Variants in IST1 observed in about 807,000 individuals in gnomAD.
IST1 encodes IST1 homolog.
IST1 carries 23 observed loss-of-function variants against 37.0 expected under a neutral mutation model. The ratio of observed to expected loss-of-function variants is 0.62; its 90% CI spans 0.45 to 0.88. IST1 has a LOEUF of 0.88. Ranked by LOEUF, IST1 falls within the 40% of genes least tolerant of loss-of-function variation. The pLI is 0.00. For missense variants in IST1, 488 were observed against 445.4 expected, an observed-to-expected ratio of 1.10 and a Z score of -0.86; for synonymous variants, 180 against 161.7, an observed-to-expected ratio of 1.11 and a Z score of -0.86.
In IST1 at chr16:71,922,139, C is replaced by CA. The variant is rs542498007; in HGVS notation, c.553-324dup. Among the ~76,000 whole-genome samples, 585 of 142,842 alleles carry CA rather than the reference C, an allele frequency of 4.1e-3. 2 individuals carry two copies. The highest frequency in any genetic ancestry group is 5.9e-3 in the Non-Finnish European group (385 of 64,930). The allele number at this position is 142,842 out of a possible 152,430, so 93.7% of individuals were successfully genotyped here. A position where few individuals can be genotyped will look rare whatever the true frequency, so the allele number is the denominator to read the frequency against. Reference sequence around the variant, plus strand: ...TGGGTGACAGAGTGAGACTCCGTCTCAAAAAAAAAAACCATCCGCCAGTTA... The same window carrying CA: ...TGGGTGACAGAGTGAGACTCCGTCTCAAAAAAAAAAAACCATCCGCCAGTTA... On this transcript the variant is annotated intron_variant, in intron 6 of 9. Transcript: ENST00000378799.
intron 1 of IST1, among the ~76,000 whole-genome samples, chr16:71,914,970 A>G (rs2037436887): frequency 6.6e-6 from 1 of 152,120 alleles, no homozygotes; most frequent in Non-Finnish European, 1.5e-5. Context: ...ATTCAGTGAA[A>G]TTCCTGGTAA....
At chr16:71,897,868 G>A (rs1221308594) in intron 1 of IST1, among the ~76,000 whole-genome samples, 2 of 152,120 alleles carry the variant, frequency 1.3e-5, no homozygotes, top group African/African-American at 2.4e-5. Context: ...TTGCTTGCTC[G>A]AACCCGAGAG....
At position 71,915,629 on chromosome 16, in the gene IST1, G is replaced by T. The variant is rs2037450644; in HGVS notation, c.-12G>T. ...ATTGTGCTTCTTCTGTTTCTAGGAG[G>T]AACAGCACAGCATGCTGGGCTCTGG... On this transcript the variant is annotated 5_prime_UTR_variant, in exon 2 of 10. Coordinates refer to ENST00000378799, the MANE Select transcript of IST1 (RefSeq NM_001270975.2). The T allele has an allele frequency of 1.9e-6, 3 of 1,603,528 alleles. No individual in the cohort carries two copies. Among genetic ancestry groups the T allele is most frequent in the South Asian group, 2.2e-5 (2 of 89,898 alleles).
At chr16:71,914,252 G>A (rs1168317995) in intron 1 of IST1, among the ~76,000 whole-genome samples, 17 of 150,316 alleles carry the variant, frequency 1.1e-4, no homozygotes, top group Admixed American at 1.0e-3. Flanking sequence ...TCCACCTCCC[G>A]GGTTCAAGCG....
chr16:71,907,112 T>G (rs1026029765), intron 1 of IST1, among the ~76,000 whole-genome samples: 2 of 152,196 alleles, frequency 1.3e-5, no homozygotes, highest in African/African-American at 4.8e-5. Context: ...GATTCAAGTT[T>G]GCTAAGCTTT....
chr16:71,927,381 C>A (rs538817241), intron 9 of IST1, among the ~76,000 whole-genome samples: 3 of 151,464 alleles, frequency 2.0e-5, no homozygotes, highest in East Asian at 3.9e-4. Flanking sequence ...CCCAGCTACT[C>A]AGGAGGCTGA....
chr16:71,922,205 C>T (rs1298466397), intron 6 of IST1, among the ~76,000 whole-genome samples: 1 of 152,022 alleles, frequency 6.6e-6, no homozygotes, highest in Non-Finnish European at 1.5e-5. Flanking sequence ...GTGTACTGCT[C>T]AGACATCCCT....
chr16:71,907,707 A>G (rs549806100), intron 1 of IST1, among the ~76,000 whole-genome samples: 38 of 152,122 alleles, frequency 2.5e-4, no homozygotes, highest in Non-Finnish European at 4.9e-4. Context: ...GATACTTTCT[A>G]TTGACTTACC....
intron 1 of IST1, among the ~76,000 whole-genome samples, chr16:71,897,066 C>CT (rs1268545903): frequency 6.6e-6 from 1 of 151,722 alleles, no homozygotes; most frequent in Non-Finnish European, 1.5e-5. Flanking sequence ...GTTTCCCAGG[C>CT]TGGAGTGCTG....
intron 8 of IST1, chr16:71,924,128 C>G: frequency 2.2e-6 from 1 of 455,860 alleles, no homozygotes; most frequent in East Asian, 6.9e-5. Flanking sequence ...TTTTCTTATG[C>G]TTTGGTTTTG....
At chr16:71,909,649 G>A (rs1180993204) in intron 1 of IST1, among the ~76,000 whole-genome samples, 2 of 152,200 alleles carry the variant, frequency 1.3e-5, no homozygotes, top group Non-Finnish European at 2.9e-5. Flanking sequence ...GTATTTGAAA[G>A]TCTACTTCTA....
intron 7 of IST1, 47 bp from the exon 8 acceptor site, chr16:71,923,241 T>A: frequency 8.9e-7 from 1 of 1,121,122 alleles, no homozygotes; most frequent in East Asian, 2.4e-5. Context: ...CCTTCGAGAT[T>A]GCAAACTGGA....
chr16:71,905,418 G>A (rs1249549131), intron 1 of IST1, among the ~76,000 whole-genome samples: 1 of 143,286 alleles, frequency 7.0e-6, no homozygotes. Flanking sequence ...CACTCTCGTT[G>A]CCCAGGCTGG....
chr16:71,896,361 G>C (rs1395631885), intron 1 of IST1, among the ~76,000 whole-genome samples: 1 of 151,982 alleles, frequency 6.6e-6, no homozygotes, highest in Non-Finnish European at 1.5e-5. Context: ...TTAAAGTCTG[G>C]TCTTAGATCT....
rs368857809 is a variant in IST1, at chr16:71,902,355, C to T, written c.-16+6766C>T. On this transcript the variant is annotated intron_variant, in intron 1 of 9. Coordinates refer to ENST00000378799, the MANE Select transcript of IST1 (RefSeq NM_001270975.2). Reference sequence around the variant, plus strand: ...TGTGATCTCGGCTCACTGCAACCTCCACCTCCTGGGTTCAAGCAATTCTTC... The same window carrying T: ...TGTGATCTCGGCTCACTGCAACCTCTACCTCCTGGGTTCAAGCAATTCTTC... Among the ~76,000 whole-genome samples the T allele has an allele frequency of 1.7e-4, 25 of 151,210 alleles. 1 individual carries two copies. Among genetic ancestry groups the T allele is most frequent in the Admixed American group, 9.8e-4 (15 of 15,230 alleles).
chr16:71,896,189 G>A (rs1041769763), intron 1 of IST1, among the ~76,000 whole-genome samples: 2 of 152,198 alleles, frequency 1.3e-5, no homozygotes, highest in East Asian at 1.9e-4. Context: ...GTAGTGAGAG[G>A]TCTTGGAAGG....
chr16:71,922,436 A>T (rs772178347), intron 6 of IST1, 38 bp from the exon 7 acceptor site: 93 of 1,572,466 alleles, frequency 5.9e-5, no homozygotes, highest in Non-Finnish European at 8.0e-5. Context: ...CTGGCCTTGG[A>T]CATGGGTTAA....
intron 1 of IST1, 74 bp downstream of exon 1, chr16:71,895,663 A>T (rs1283548216): frequency 3.5e-6 from 2 of 575,176 alleles, no homozygotes; most frequent in African/African-American, 4.0e-5. Flanking sequence ...AGCGGTCTCT[A>T]GTTAGCGCTA....
At chr16:71,921,237 C>T in intron 5 of IST1, 106 bp from the exon 6 acceptor site, 1 of 700,994 alleles carries the variant, frequency 1.4e-6, no homozygotes, top group Non-Finnish European at 2.5e-6. Flanking sequence ...ACCTTTTTTT[C>T]CCTCAATATT....
Sources: allele counts gnomAD v4.1 joint callset (sites outside exome capture counted in the v4.1 genomes callset), GRCh38; gene constraint gnomAD v4.1.1; transcripts MANE v1.5; gene names NCBI Gene and HGNC (gene_info 2026-07-23, HGNC 2026-07-21).